Variants in DOK6 observed in about 807,000 individuals in gnomAD.
DOK6 encodes docking protein 6, also known as downstream of tyrosine kinase 6.
A neutral mutation model predicts 44.0 loss-of-function variants in DOK6; 22 were observed. The ratio of observed to expected loss-of-function variants is 0.50; its 90% CI spans 0.36 to 0.71. The LOEUF (loss-of-function observed/expected upper bound fraction) is 0.71, where lower values mean the gene tolerates loss of function less well. Ranked by LOEUF, DOK6 falls within the 30% of genes least tolerant of loss-of-function variation. The probability of loss-of-function intolerance (pLI) is 0.00; values close to 1 mark genes in which losing one functional copy is unlikely to be tolerated. For synonymous variants in DOK6, 166 were observed against 145.5 expected (o/e 1.14, Z -1.01); for missense variants, 340 against 416.4 (o/e 0.82, Z 1.60).
chr18:69,675,931 T>A (rs991428450), intron 3 of DOK6, among the ~76,000 whole-genome samples: 9 of 152,096 alleles, frequency 5.9e-5, no homozygotes, highest in Admixed American at 3.9e-4. Context: ...TTGTTTTTTG[T>A]TTTTTGTTTT....
At chr18:69,445,633 T>C (rs548875064) in intron 1 of DOK6, among the ~76,000 whole-genome samples, 2 of 152,230 alleles carry the variant, frequency 1.3e-5, no homozygotes, top group South Asian at 4.1e-4. Context: ...CACTCTTTCA[T>C]TTCTAAAATA....
Position 69,780,725 on chromosome 18 carries a change from T to A in DOK6, c.856+22852T>A, listed in dbSNP as rs543225254. Among the ~76,000 whole-genome samples the A allele has an allele frequency of 8.0e-4, 122 of 152,262 alleles. 1 individual carries two copies. The highest frequency in any genetic ancestry group is 1.8e-3 in the Admixed American group (27 of 15,280). ...CATTAAACAATCAATTATCTTCTGC[T>A]ATGTATGCGAGTATATTCATTATTC... On this transcript the variant is annotated intron_variant, in intron 7 of 7. Transcript: ENST00000382713.
rs962445887 is a variant in DOK6, at chr18:69,530,246, C to CT, written c.67-34233dup. Among the ~76,000 whole-genome samples the CT allele has an allele frequency of 1.9e-4, 29 of 151,986 alleles. No homozygotes were observed. In the East Asian group the frequency reaches 3.1e-3, roughly 16 times the overall value. Reference sequence around the variant, plus strand: ...CCACACTATGTTGACTACTGGACACCTTTTTTTTATTATTAACTAAAGGTT... The same window carrying CT: ...CCACACTATGTTGACTACTGGACACCTTTTTTTTTATTATTAACTAAAGGTT... On this transcript the variant is annotated intron_variant, in intron 1 of 7. Coordinates refer to ENST00000382713, the MANE Select transcript of DOK6 (RefSeq NM_152721.6).
intron 3 of DOK6, among the ~76,000 whole-genome samples, chr18:69,614,153 T>G (rs1984227186): frequency 6.6e-6 from 1 of 152,026 alleles, no homozygotes; most frequent in South Asian, 2.1e-4. Context: ...CCATAACGAT[T>G]TGTGTTAGGT....
intron 3 of DOK6, among the ~76,000 whole-genome samples, chr18:69,657,464 G>A (rs1985398230): frequency 6.8e-6 from 1 of 146,920 alleles, no homozygotes; most frequent in South Asian, 2.1e-4. Context: ...ACAAGGTCAG[G>A]AGTAGGAAAT....
chr18:69,803,628 C>T lies in DOK6; in HGVS notation c.857-37616C>T, dbSNP rs1218809760. The stretch of plus-strand genomic sequence containing the variant: ...CCTATAATCCCAGCACTTTGGGAGG[C>T]CGAGGCAGGTGGATCACGAGGTCAG... On this transcript the variant is annotated intron_variant, in intron 7 of 7. Coordinates refer to ENST00000382713, the MANE Select transcript of DOK6 (RefSeq NM_152721.6). 2.0e-5 allele frequency among the ~76,000 whole-genome samples: 3 copies of T among 152,270 alleles called. No individual in the cohort carries two copies. The East Asian group carries it at 5.8e-4, about 29-fold the overall frequency.
intron 1 of DOK6, among the ~76,000 whole-genome samples, chr18:69,534,583 T>G (rs1301856150): frequency 1.3e-5 from 2 of 152,008 alleles, no homozygotes; most frequent in Non-Finnish European, 2.9e-5. Flanking sequence ...GTAAAACTTG[T>G]TCTTTGTTTT....
intron 5 of DOK6, among the ~76,000 whole-genome samples, chr18:69,735,514 G>A (rs1251221145): frequency 6.6e-6 from 1 of 152,240 alleles, no homozygotes; most frequent in African/African-American, 2.4e-5. Context: ...CTCCCAGTGG[G>A]GTTGCATGGG....
chr18:69,642,285 C>T (rs1012446037), intron 3 of DOK6, among the ~76,000 whole-genome samples: 2 of 152,172 alleles, frequency 1.3e-5, no homozygotes, highest in Admixed American at 6.5e-5. Flanking sequence ...AATACAGGTA[C>T]ATTTGATGTT....
intron 7 of DOK6, among the ~76,000 whole-genome samples, chr18:69,838,664 G>C (rs1019023827): frequency 6.6e-6 from 1 of 151,950 alleles, no homozygotes; most frequent in African/African-American, 2.4e-5. Context: ...CCTTAAGATG[G>C]GTTACAAGCT....
At chr18:69,582,530 C>T (rs777931357) in intron 2 of DOK6, among the ~76,000 whole-genome samples, 9 of 151,836 alleles carry the variant, frequency 5.9e-5, no homozygotes, top group Non-Finnish European at 1.3e-4. Context: ...ATCTTCCTTC[C>T]TTCCTTCCAT....
chr18:69,721,408 G>T (rs772844247), intron 5 of DOK6: 4 of 152,056 alleles, frequency 2.6e-5, no homozygotes, highest in Non-Finnish European at 4.4e-5. Context: ...AAGGCAACTG[G>T]CTATAGATCT....
chr18:69,441,992 G>T (rs1979149325), intron 1 of DOK6, among the ~76,000 whole-genome samples: 1 of 152,090 alleles, frequency 6.6e-6, no homozygotes, highest in African/African-American at 2.4e-5. Context: ...ATTAAAATAT[G>T]GTTACCCCGG....
At chr18:69,527,047 A>C (rs1981849994) in intron 1 of DOK6, among the ~76,000 whole-genome samples, 1 of 152,180 alleles carries the variant, frequency 6.6e-6, no homozygotes. Flanking sequence ...TTGCTTGTTT[A>C]ATCCCAGTAC....
chr18:69,513,967 G>A (rs1484860348), intron 1 of DOK6, among the ~76,000 whole-genome samples: 2 of 151,796 alleles, frequency 1.3e-5, no homozygotes, highest in Admixed American at 6.6e-5. Flanking sequence ...ATTACCTCTA[G>A]TTAGGTTTTA....
intron 2 of DOK6, among the ~76,000 whole-genome samples, chr18:69,591,126 A>G (rs1002701456): frequency 1.3e-5 from 2 of 152,312 alleles, no homozygotes; most frequent in African/African-American, 4.8e-5. Context: ...ACACACAAAT[A>G]AACATGCCAA....
chr18:69,743,193 A>G (rs1318676754), intron 6 of DOK6, among the ~76,000 whole-genome samples: 1 of 152,214 alleles, frequency 6.6e-6, no homozygotes, highest in Non-Finnish European at 1.5e-5. Flanking sequence ...AACTGGAACT[A>G]TTTTTGAGGA....
Position 69,546,393 on chromosome 18 carries a change from G to A in DOK6, c.67-18094G>A, listed in dbSNP as rs115797977. Among the ~76,000 whole-genome samples the A allele has an allele frequency of 6.9e-3, 1,044 of 151,404 alleles. 14 individuals are homozygous for A. Among genetic ancestry groups the A allele is most frequent in the African/African-American group, 0.023 (966 of 41,400 alleles). The stretch of plus-strand genomic sequence containing the variant: ...ACATACAATGATAGCATGTGTCTGC[G>A]TCCTCTCTTCCTGAACCTCTCACTT... On this transcript the variant is annotated intron_variant, in intron 1 of 7. Coordinates refer to ENST00000382713, the MANE Select transcript of DOK6 (RefSeq NM_152721.6).
intron 5 of DOK6, among the ~76,000 whole-genome samples, chr18:69,719,256 G>A (rs71370311): frequency 6.6e-6 from 1 of 152,138 alleles, no homozygotes; most frequent in Non-Finnish European, 1.5e-5. Flanking sequence ...ATTGGTTGGG[G>A]ATAAAAATCA....
Sources: allele counts gnomAD v4.1 joint callset (sites outside exome capture counted in the v4.1 genomes callset), GRCh38; gene constraint gnomAD v4.1.1; transcripts MANE v1.5; gene names NCBI Gene and HGNC (gene_info 2026-07-23, HGNC 2026-07-21).